The following KHDRBS2 variants were observed in gnomAD, a reference collection of about 807,000 sequenced individuals.
The protein encoded by KHDRBS2 is KH RNA binding domain containing, signal transduction associated 2.
In KHDRBS2, 26 loss-of-function variants were observed where a neutral mutation model predicts 44.3. The ratio of observed to expected loss-of-function variants is 0.59; its 90% CI spans 0.43 to 0.81. KHDRBS2 has a LOEUF of 0.81. Ranked by LOEUF, KHDRBS2 falls within the 40% of genes least tolerant of loss-of-function variation. KHDRBS2 has a pLI of 0.00. For missense variants in KHDRBS2, 476 were observed against 433.1 expected, an observed-to-expected ratio of 1.10 and a Z score of -0.88; for synonymous variants, 194 against 151.1, an observed-to-expected ratio of 1.28 and a Z score of -2.08.
At chr6:61,640,765 A>G in the KHDRBS2 span, among the ~76,000 whole-genome samples, 2 of 152,288 alleles carry the variant, frequency 1.3e-5, no homozygotes, top group South Asian at 4.1e-4. Context: ...AAGAAAAACG[A>G]TGTGATGAAA....
chr6:61,597,581 G>A, the KHDRBS2 span, among the ~76,000 whole-genome samples: 1 of 151,034 alleles, frequency 6.6e-6, no homozygotes, highest in South Asian at 2.1e-4. Flanking sequence ...GTAGGGGTTT[G>A]CAGGGTAACT....
At chr6:61,925,345 T>C (rs1378389637) in intron 4 of KHDRBS2, among the ~76,000 whole-genome samples, 1 of 152,182 alleles carries the variant, frequency 6.6e-6, no homozygotes, top group Non-Finnish European at 1.5e-5. Context: ...GATGTAGAGA[T>C]GTTAAGGAAT....
chr6:61,815,850 C>T (rs1373744889), intron 6 of KHDRBS2, among the ~76,000 whole-genome samples: 2 of 152,092 alleles, frequency 1.3e-5, no homozygotes, highest in African/African-American at 4.8e-5. Context: ...TGATAATAAC[C>T]TTTGCATTGA....
At chr6:61,678,795 G>C (rs1304231679), downstream of KHDRBS2, 2 of 151,878 alleles carry the variant, frequency 1.3e-5, no homozygotes, top group African/African-American at 2.4e-5. Flanking sequence ...AGTGGCATTA[G>C]GTGTTTTAGC....
At chr6:62,110,440 T>A (rs941548143) in intron 2 of KHDRBS2, among the ~76,000 whole-genome samples, 3 of 152,062 alleles carry the variant, frequency 2.0e-5, no homozygotes, top group African/African-American at 7.2e-5. Context: ...GGGAACAACC[T>A]AAATTTGTTC....
At chr6:62,076,495 T>C (rs1409613743) in intron 2 of KHDRBS2, among the ~76,000 whole-genome samples, 1 of 151,956 alleles carries the variant, frequency 6.6e-6, no homozygotes, top group Non-Finnish European at 1.5e-5. Context: ...AATCAGTAGA[T>C]AATGTTGGTT....
At chr6:61,845,352 C>T (rs1470735430) in intron 6 of KHDRBS2, among the ~76,000 whole-genome samples, 2 of 141,334 alleles carry the variant, frequency 1.4e-5, no homozygotes, top group African/African-American at 2.7e-5. Flanking sequence ...CTCTGTCGCT[C>T]AGGCTGGAGT....
At chr6:62,269,997 A>G (rs1485730659) in intron 1 of KHDRBS2, among the ~76,000 whole-genome samples, 1 of 152,114 alleles carries the variant, frequency 6.6e-6, no homozygotes, top group African/African-American at 2.4e-5. Context: ...ACATTATTCC[A>G]CTCATATGAA....
At chr6:62,045,867 C>T (rs1205319930) in intron 3 of KHDRBS2, among the ~76,000 whole-genome samples, 2 of 150,526 alleles carry the variant, frequency 1.3e-5, no homozygotes, top group Non-Finnish European at 3.0e-5. Context: ...TTTTTCATAT[C>T]CATGCCTGTG....
At chr6:61,957,355 T>C (rs761937687) in intron 4 of KHDRBS2, among the ~76,000 whole-genome samples, 2 of 152,146 alleles carry the variant, frequency 1.3e-5, no homozygotes, top group Non-Finnish European at 2.9e-5. Context: ...AACCTTAAAC[T>C]CTTGACTGCC....
intron 3 of KHDRBS2, among the ~76,000 whole-genome samples, chr6:62,008,390 G>T (rs1238604769): frequency 6.6e-6 from 1 of 152,048 alleles, no homozygotes; most frequent in African/African-American, 2.4e-5. Context: ...AATAGTAAAT[G>T]TCTCATTGAA....
chr6:61,941,049 C>T (rs1157443412), intron 4 of KHDRBS2, among the ~76,000 whole-genome samples: 4 of 152,212 alleles, frequency 2.6e-5, no homozygotes, highest in Non-Finnish European at 4.4e-5. Flanking sequence ...CCTACCATGG[C>T]TGGCATCTTC....
rs1775932746 is a variant in KHDRBS2 at position 61,990,534 on chromosome 6, T to C, written c.337-12322A>G. Among the ~76,000 whole-genome samples, 4 of 152,104 alleles carry C rather than the reference T, an allele frequency of 2.6e-5. No homozygotes were observed. The South Asian group carries it at 8.3e-4, about 32-fold the overall frequency. On this transcript the variant is annotated intron_variant, in intron 3 of 8. Transcript: ENST00000281156. ...ACAAACAAGAGCTCATACAAGCTTC[T>C]AGAAGTAGAACTACAAAGAAAAAAA...
chr6:61,994,407 C>T (rs571594462), intron 3 of KHDRBS2, among the ~76,000 whole-genome samples: 32 of 152,290 alleles, frequency 2.1e-4, no homozygotes, highest in African/African-American at 7.2e-4. Flanking sequence ...TCTTAAGAAT[C>T]CTCTACCATT....
intron 4 of KHDRBS2, among the ~76,000 whole-genome samples, chr6:61,933,994 A>G (rs1810566630): frequency 1.3e-5 from 2 of 152,178 alleles, no homozygotes; most frequent in African/African-American, 4.8e-5. Context: ...TAATGGACAC[A>G]TGGACATTCT....
At chr6:62,068,885 C>A (rs1794358211) in intron 2 of KHDRBS2, among the ~76,000 whole-genome samples, 1 of 151,662 alleles carries the variant, frequency 6.6e-6, no homozygotes, top group South Asian at 2.1e-4. Context: ...ACCAAACCAT[C>A]TTGAATATTG....
At chr6:62,170,070 T>C (rs564477334) in intron 2 of KHDRBS2, among the ~76,000 whole-genome samples, 5 of 152,040 alleles carry the variant, frequency 3.3e-5, no homozygotes, top group Admixed American at 1.3e-4. Flanking sequence ...CTGCTAGATC[T>C]TTTAGCCCAC....
At chr6:61,933,137 C>T (rs1486197663) in intron 4 of KHDRBS2, among the ~76,000 whole-genome samples, 2 of 151,984 alleles carry the variant, frequency 1.3e-5, no homozygotes, top group African/African-American at 4.8e-5. Context: ...TGGCAGAAGG[C>T]AAAGGGGAAG....
At chr6:61,933,447 A>G (rs1373365369) in intron 4 of KHDRBS2, among the ~76,000 whole-genome samples, 2 of 152,218 alleles carry the variant, frequency 1.3e-5, no homozygotes, top group African/African-American at 4.8e-5. Context: ...TCTCTTTGAC[A>G]TACTGATTTC....
Sources: gnomAD v4.1 joint callset for allele counts (sites outside exome capture counted in the v4.1 genomes callset) on GRCh38, gnomAD v4.1.1 for gene constraint, MANE v1.5 for transcripts, NCBI Gene and HGNC (gene_info 2026-07-23, HGNC 2026-07-21) for gene names.